MCC: variants seen among roughly 807,000 people sequenced by gnomAD.
MCC encodes the protein colorectal mutant cancer protein.
Under a neutral mutation model 116.2 loss-of-function variants are expected in MCC, and 90 were observed. That is an observed-to-expected ratio of 0.77 (90% confidence interval 0.65 to 0.92). MCC has a LOEUF of 0.92. Among genes scored for constraint, MCC ranks in the 40% least tolerant of loss-of-function variants. The pLI, the probability that MCC is intolerant of heterozygous loss-of-function variation, is 0.00. For missense variants in MCC, 1,516 were observed against 1,312.2 expected, an observed-to-expected ratio of 1.16 and a Z score of -2.40; for synonymous variants, 578 against 510.5, an observed-to-expected ratio of 1.13 and a Z score of -1.78.
chr5:113,432,129 C>T (rs926377055), intron 1 of MCC, among the ~76,000 whole-genome samples: 84 of 149,882 alleles, frequency 5.6e-4, no homozygotes, highest in Admixed American at 9.3e-4. Flanking sequence ...AGCGAGACTC[C>T]GTCTCAAAAA....
Position 113,340,637 on chromosome 5 carries a change from T to A in MCC, c.509A>T (p.Lys170Met), listed in dbSNP as rs927316359. The A allele has an allele frequency of 1.2e-6, 2 of 1,614,170 alleles. No homozygotes were observed. Among genetic ancestry groups the A allele is most frequent in the Non-Finnish European group, 1.7e-6 (2 of 1,180,026 alleles). ...AGAGCTTCCGCCATACTCGAGCAGCTTCTGGAGGGCTGACTGGCTCTGCAC... is the reference window on the plus strand; with the variant it reads ...AGAGCTTCCGCCATACTCGAGCAGCATCTGGAGGGCTGACTGGCTCTGCAC... ...PDVQSQSALQ[K>M]LLEYGGSSLH... is the part of the protein sequence containing the mutation. The change falls in exon 3 of 19, where the codon AAG (lysine) becomes ATG (methionine). Residue 170 changes from lysine to methionine, a missense_variant. Transcript: ENST00000408903.
chr5:113,052,743 A>AG (rs1461994213), intron 15 of MCC, among the ~76,000 whole-genome samples: 1 of 152,160 alleles, frequency 6.6e-6, no homozygotes, highest in Non-Finnish European at 1.5e-5. Flanking sequence ...GCTAGACTCC[A>AG]GTTCCTGACC....
At chr5:113,070,671 A>T (rs1455219828) in intron 12 of MCC, among the ~76,000 whole-genome samples, 1 of 152,238 alleles carries the variant, frequency 6.6e-6, no homozygotes, top group Non-Finnish European at 1.5e-5. Flanking sequence ...ATAAATTAAC[A>T]ATATAAAAAC....
chr5:113,285,404 G>A lies in MCC; in HGVS notation c.627+55115C>T, dbSNP rs535543690. 7.2e-5 allele frequency among the ~76,000 whole-genome samples: 10 copies of A among 138,478 alleles called. No individual in the cohort carries two copies. In the East Asian group the frequency reaches 1.7e-3, roughly 24 times the overall value. The allele number at this position is 138,478 out of a possible 152,430, so 90.8% of individuals were successfully genotyped here. ...GAAAGTAAAACAAATTCAGGCCTGC[G>A]TTGGAAACTCTCCAGGGAGATCCAG... is the stretch of plus-strand genomic sequence containing the variant. On this transcript the variant is annotated intron_variant, in intron 3 of 18. Coordinates refer to ENST00000408903, the MANE Select transcript of MCC (RefSeq NM_001085377.2).
At chr5:113,047,020 CACCTCT>C (rs770913383) in intron 16 of MCC, among the ~76,000 whole-genome samples, 27 of 152,314 alleles carry the variant, frequency 1.8e-4, no homozygotes, top group Admixed American at 7.2e-4. Context: ...AGCCTAAGGG[CACCTCT>C]TCTCTCCCCT....
intron 1 of MCC, among the ~76,000 whole-genome samples, chr5:113,407,631 T>TA (rs1769874180): frequency 6.6e-6 from 1 of 152,148 alleles, no homozygotes; most frequent in South Asian, 2.1e-4. Flanking sequence ...CCCTCATTTT[T>TA]AAAAATTTTT....
At chr5:113,043,426 G>A (rs1751858690) in intron 17 of MCC, 104 bp downstream of exon 17, 1 of 1,050,464 alleles carries the variant, frequency 9.5e-7, no homozygotes, top group Non-Finnish European at 1.4e-6. Context: ...TGGGTAAAGT[G>A]GAACACATCA....
At chr5:113,133,219 A>G (rs1262730399) in intron 5 of MCC, among the ~76,000 whole-genome samples, 1 of 152,102 alleles carries the variant, frequency 6.6e-6, no homozygotes, top group Non-Finnish European at 1.5e-5. Context: ...TGAATTATCA[A>G]ACACTAGGTC....
chr5:113,212,152 T>C (rs1258171050), intron 3 of MCC, among the ~76,000 whole-genome samples: 1 of 152,224 alleles, frequency 6.6e-6, no homozygotes, highest in East Asian at 1.9e-4. Flanking sequence ...GTTCTCTCAA[T>C]AATAACAAAT....
rs35336557 is a variant in MCC at position 113,488,351 on chromosome 5, T to TGCCGCCGCC, written c.55_63dup (p.Gly19_Gly21dup). On this transcript the variant is annotated inframe_insertion, in exon 1 of 19. Transcript: ENST00000408903. ...TCGCTGCTGCTGCTGCTGCTGCCGC[T>TGCCGCCGCC]GCCGCCGCCGCCGCCGCCGCTGCTG... is the stretch of plus-strand genomic sequence containing the variant. The TGCCGCCGCC allele has an allele frequency of 5.2e-4, 760 of 1,455,536 alleles. 3 individuals are homozygous for TGCCGCCGCC. In the South Asian group the frequency reaches 5.6e-3, roughly 11 times the overall value. 90.2% of individuals were successfully genotyped at this position (1,455,536 alleles called of 1,614,324 possible).
intron 3 of MCC, among the ~76,000 whole-genome samples, chr5:113,327,642 T>C (rs1767602828): frequency 6.7e-6 from 1 of 148,344 alleles, no homozygotes; most frequent in Non-Finnish European, 1.5e-5. Context: ...ACCAATTCTT[T>C]TGTGATCATA....
At chr5:113,360,041 T>C (rs1343684972) in intron 2 of MCC, among the ~76,000 whole-genome samples, 5 of 152,164 alleles carry the variant, frequency 3.3e-5, no homozygotes, top group African/African-American at 1.2e-4. Flanking sequence ...AGACTGTGAA[T>C]GGGGATGATG....
At chr5:113,384,913 A>T in intron 2 of MCC, 55 bp downstream of exon 2, 3 of 1,598,262 alleles carry the variant, frequency 1.9e-6, no homozygotes, top group Non-Finnish European at 2.6e-6. Flanking sequence ...ATTTAATGAG[A>T]GATCACAGGC....
chr5:113,082,833 A>C, intron 11 of MCC, 27 bp downstream of exon 11: 1 of 1,610,126 alleles, frequency 6.2e-7, no homozygotes, highest in Non-Finnish European at 8.5e-7. Flanking sequence ...CCTGCCCCAC[A>C]ATCAAATCGA....
rs1219243386 is a variant in MCC at position 113,487,935 on chromosome 5, T to G, written c.170+310A>C. Among the ~76,000 whole-genome samples, 11 of 152,214 alleles carry G rather than the reference T, an allele frequency of 7.2e-5. No homozygotes were observed. In the South Asian group the frequency reaches 2.1e-3, roughly 29 times the overall value. On this transcript the variant is annotated intron_variant, in intron 1 of 18. Transcript: ENST00000408903. Reference sequence around the variant, plus strand: ...CCTACCTGGGACAAGCGGCCAGAACTCCTTTTCCCACAGGGAAGAACACTC... The same window carrying G: ...CCTACCTGGGACAAGCGGCCAGAACGCCTTTTCCCACAGGGAAGAACACTC...
chr5:113,439,855 T>C (rs1770982098), intron 1 of MCC, among the ~76,000 whole-genome samples: 1 of 152,194 alleles, frequency 6.6e-6, no homozygotes, highest in African/African-American at 2.4e-5. Flanking sequence ...TTATTACTAT[T>C]ATTAATGGTC....
chr5:113,122,478 G>C lies in MCC; in HGVS notation c.1027+206C>G, dbSNP rs532940428. Among the ~76,000 whole-genome samples, 14 of 152,326 alleles carry C rather than the reference G, an allele frequency of 9.2e-5. 1 individual carries two copies. Among genetic ancestry groups the C allele is most frequent in the African/African-American group, 3.4e-4 (14 of 41,574 alleles). On this transcript the variant is annotated intron_variant, in intron 6 of 18. Transcript: ENST00000408903. Reference sequence around the variant, plus strand: ...TTTCAAATAGAAGTGACTTATGTTTGAATCACAATTGTATCAGAGCAGAAA... The same window carrying C: ...TTTCAAATAGAAGTGACTTATGTTTCAATCACAATTGTATCAGAGCAGAAA...
intron 3 of MCC, among the ~76,000 whole-genome samples, chr5:113,280,322 T>C (rs1311836750): frequency 2.0e-5 from 3 of 150,202 alleles, no homozygotes; most frequent in East Asian, 1.9e-4. Context: ...GCCCTATGTG[T>C]AACTTTTCTA....
chr5:113,142,208 C>A lies in MCC; in HGVS notation c.884+1010G>T, dbSNP rs546482243. 1.6e-4 allele frequency among the ~76,000 whole-genome samples: 25 copies of A among 152,178 alleles called. 1 individual carries two copies. Among genetic ancestry groups the A allele is most frequent in the African/African-American group, 5.3e-4 (22 of 41,542 alleles). On this transcript the variant is annotated intron_variant, in intron 5 of 18. Coordinates refer to ENST00000408903, the MANE Select transcript of MCC (RefSeq NM_001085377.2). Reference sequence around the variant, plus strand: ...GAACAAAATGCATCCAAAGTTTCCTCTGACTTCTAGAAGGAGAGTTTAAAG... The same window carrying A: ...GAACAAAATGCATCCAAAGTTTCCTATGACTTCTAGAAGGAGAGTTTAAAG...
Sources: allele counts gnomAD v4.1 joint callset (sites outside exome capture counted in the v4.1 genomes callset), GRCh38; gene constraint gnomAD v4.1.1; transcripts MANE v1.5; gene names NCBI Gene and HGNC (gene_info 2026-07-23, HGNC 2026-07-21).